The following YIF1B variants were observed in gnomAD, a reference collection of about 807,000 sequenced individuals.
The protein encoded by YIF1B is protein YIF1B.
YIF1B carries 24 observed loss-of-function variants against 34.6 expected under a neutral mutation model. The ratio of observed to expected loss-of-function variants is 0.69; its 90% CI spans 0.50 to 0.98. The LOEUF (loss-of-function observed/expected upper bound fraction) is 0.98. YIF1B is among the 50% of genes least tolerant of loss of function. YIF1B has a pLI of 0.00. For missense variants in YIF1B, 368 were observed against 429.4 expected (o/e 0.86, Z 1.26); for synonymous variants, 186 against 184.8 (o/e 1.01, Z -0.05).
chr19:38,311,510 TATC>T lies in YIF1B; in HGVS notation c.59-1870_59-1868del, dbSNP rs1477546523. ...CCCTGTTTCTGCCAGCTGCCAATGC[TATC>T]ATCATCCCCATTTTACATATGAGAA... On this transcript the variant is annotated intron_variant, in intron 1 of 7. Coordinates refer to ENST00000339413, the MANE Select transcript of YIF1B (RefSeq NM_001039672.3). Among the ~76,000 whole-genome samples the T allele has an allele frequency of 2.0e-5, 3 of 152,020 alleles. 1 individual carries two copies. Among genetic ancestry groups the T allele is most frequent in the Non-Finnish European group, 4.4e-5 (3 of 68,042 alleles).
Position 38,309,579 on chromosome 19 carries a change from G to A in YIF1B, c.123C>T (p.Asp41=), listed in dbSNP as rs1414721857. 6.3e-7 allele frequency: 1 copy of A among 1,598,802 alleles called. No homozygotes were observed. The highest frequency in any genetic ancestry group is 1.1e-5 in the South Asian group (1 of 89,054). The change falls in exon 2 of 8, where the codon GAC becomes GAT. Residue 41 remains aspartate, a synonymous_variant. Coordinates refer to ENST00000339413, the MANE Select transcript of YIF1B (RefSeq NM_001039672.3). The part of the protein sequence containing the change: ...GMADPHQLFD[D]TSSAQSRGYG... ...AGCCCCGGCTCTGGGCTGAACTTGT[G>A]TCATCGAAAAGCTGGTGGGGGTCGG...
Position 38,309,221 on chromosome 19 carries a change from G to C in YIF1B, c.402+3C>G. The C allele has an allele frequency of 6.2e-7, 1 of 1,613,828 alleles. No homozygotes were observed. Among genetic ancestry groups the C allele is most frequent in the Non-Finnish European group, 8.5e-7 (1 of 1,179,862 alleles). On this transcript the variant is annotated splice_donor_region_variant and intron_variant, in intron 3 of 7. Transcript: ENST00000339413. ...AGACCCACATTCCCCTGGGGGTGCT[G>C]ACCTGGTGTAGGTAGGGGAAGAACA... is the stretch of plus-strand genomic sequence containing the variant.
upstream of YIF1B, among the ~76,000 whole-genome samples, chr19:38,319,563 G>T (rs1478540020): frequency 6.6e-6 from 1 of 152,202 alleles, no homozygotes; most frequent in Non-Finnish European, 1.5e-5. Context: ...TGCTGTGCGC[G>T]ATGGGGGGCG....
chr19:38,315,816 C>CCGCCA (rs1969525975), intron 1 of YIF1B, 44 bp downstream of exon 1: 10 of 1,515,422 alleles, frequency 6.6e-6, no homozygotes, highest in Non-Finnish European at 4.4e-6. Context: ...CGCGGCCGCC[C>CCGCCA]CGCCACGCCC....
chr19:38,313,690 G>A (rs1969417439), intron 1 of YIF1B, among the ~76,000 whole-genome samples: 1 of 152,228 alleles, frequency 6.6e-6, no homozygotes, highest in Non-Finnish European at 1.5e-5. Context: ...ACCATGGTTT[G>A]CAACCTCTCC....
chr19:38,313,714 C>T (rs1969418371), intron 1 of YIF1B, among the ~76,000 whole-genome samples: 1 of 152,274 alleles, frequency 6.6e-6, no homozygotes, highest in Admixed American at 6.5e-5. Flanking sequence ...GGATCCCATG[C>T]ACCAGCCAGC....
chr19:38,307,443 G>A lies in YIF1B; in HGVS notation c.774C>T (p.Ala258=). The change falls in exon 7 of 8, where the codon GCC becomes GCT. Residue 258 remains alanine (A), a synonymous_variant. Coordinates refer to ENST00000339413, the MANE Select transcript of YIF1B (RefSeq NM_001039672.3). ...YYLVLGWCCV[A]IFVFMIRTLR... is the part of the protein sequence containing the mutation. The stretch of plus-strand genomic sequence containing the variant: ...CCCAGCTCACCATGAACACAAAGAT[G>A]GCTACGCAGCACCAGCCCAGCACCA... The A allele has an allele frequency of 6.2e-7, 1 of 1,613,694 alleles. No individual in the cohort carries two copies. Among genetic ancestry groups the A allele is most frequent in the South Asian group, 1.1e-5 (1 of 91,056 alleles).
rs1269406510 is a variant in YIF1B at position 38,309,964 on chromosome 19, C to T, written c.59-321G>A. 3.9e-5 allele frequency: 24 copies of T among 620,026 alleles called. No homozygotes were observed. In the Admixed American group the frequency reaches 8.4e-4, roughly 22 times the overall value. The allele number at this position is 620,026 out of a possible 1,614,324, so 38.4% of individuals were successfully genotyped here. ...TCCATCTATCCATCTAACCATCCAT[C>T]CATCCATCCATTCATCCATCCATCC... On this transcript the variant is annotated intron_variant, in intron 1 of 7. Coordinates refer to ENST00000339413, the MANE Select transcript of YIF1B (RefSeq NM_001039672.3).
chr19:38,320,171 G>A, upstream of YIF1B: 1 of 1,598,982 alleles, frequency 6.3e-7, no homozygotes, highest in Non-Finnish European at 8.5e-7. Context: ...CGGCTGGGGC[G>A]GGTCGTGCTT....
upstream of YIF1B, chr19:38,320,124 C>G: frequency 6.3e-7 from 1 of 1,585,698 alleles, no homozygotes. Context: ...CTGCCCCCGC[C>G]CTGGACGCCT....
At chr19:38,309,786 G>A in intron 1 of YIF1B, 143 bp from the exon 2 acceptor site, 1 of 1,438,200 alleles carries the variant, frequency 7.0e-7, no homozygotes, top group South Asian at 1.5e-5. Context: ...GATGTCAGAT[G>A]GACTGGCAGG....
intron 7 of YIF1B, 144 bp downstream of exon 7, chr19:38,307,284 C>T: frequency 2.3e-6 from 2 of 875,324 alleles, no homozygotes; most frequent in Non-Finnish European, 3.5e-6. Context: ...CTCCTGACCC[C>T]CCAGGCCGGG....
Position 38,305,275 on chromosome 19 carries a change from T to G in YIF1B, c.*77A>C. The G allele has an allele frequency of 6.5e-7, 1 of 1,538,970 alleles. No individual in the cohort carries two copies. Among genetic ancestry groups the G allele is most frequent in the Admixed American group, 1.8e-5 (1 of 54,758 alleles). ...GCCAGACAGGGTGGACCTTGGGGCC[T>G]GCAGGCAGGAGATGAGTTCGGCGGC... On this transcript the variant is annotated 3_prime_UTR_variant, in exon 8 of 8. Coordinates refer to ENST00000339413, the MANE Select transcript of YIF1B (RefSeq NM_001039672.3).
intron 1 of YIF1B, among the ~76,000 whole-genome samples, chr19:38,311,481 A>G (rs1436953400): frequency 6.6e-6 from 1 of 152,142 alleles, no homozygotes; most frequent in Non-Finnish European, 1.5e-5. Context: ...CATCTTCACA[A>G]CCACCCTGTT....
At chr19:38,315,637 C>A in intron 1 of YIF1B, 1 of 1,554,100 alleles carries the variant, frequency 6.4e-7, no homozygotes, top group Non-Finnish European at 8.7e-7. Flanking sequence ...CATTTCTCTG[C>A]ATATCGCACG....
At position 38,304,805 on chromosome 19, in the gene YIF1B, A is replaced by T; in HGVS notation, c.*547T>A. ...TCCCCCTGTCTCGCTTCCAGCCCAG[A>T]ACCATCTCTTCTCTCCCATCCCTGC... On this transcript the variant is annotated 3_prime_UTR_variant, in exon 8 of 8. Transcript: ENST00000339413. The T allele has an allele frequency of 6.2e-7, 1 of 1,613,464 alleles. No individual in the cohort carries two copies. The highest frequency in any genetic ancestry group is 8.5e-7 in the Non-Finnish European group (1 of 1,179,906).
chr19:38,308,974 G>A lies in YIF1B; in HGVS notation c.481+5C>T, dbSNP rs1422545630. Reference sequence around the variant, plus strand: ...GGAGGGTGCAGGGTAGGGGGAGGGTGAAACCTGGAATGTAGAGGTCCGGGG... The same window carrying A: ...GGAGGGTGCAGGGTAGGGGGAGGGTAAAACCTGGAATGTAGAGGTCCGGGG... On this transcript the variant is annotated splice_donor_5th_base_variant and intron_variant, in intron 4 of 7. Transcript: ENST00000339413. 6.2e-7 allele frequency: 1 copy of A among 1,604,210 alleles called. No homozygotes were observed. Among genetic ancestry groups the A allele is most frequent in the Non-Finnish European group, 8.5e-7 (1 of 1,173,780 alleles).
upstream of YIF1B, chr19:38,316,053 A>G (rs1171671738): frequency 4.4e-6 from 5 of 1,143,286 alleles, no homozygotes; most frequent in Non-Finnish European, 5.4e-6. Flanking sequence ...CGACCCCTCC[A>G]GCCCCCCCCT....
chr19:38,319,342 G>A (rs955169129), upstream of YIF1B, among the ~76,000 whole-genome samples: 1 of 152,120 alleles, frequency 6.6e-6, no homozygotes, highest in Admixed American at 6.6e-5. Flanking sequence ...ATCATCCAGC[G>A]AGGGGTCAGC....
Sources: gnomAD v4.1 joint callset for allele counts (sites outside exome capture counted in the v4.1 genomes callset) on GRCh38, gnomAD v4.1.1 for gene constraint, MANE v1.5 for transcripts, NCBI Gene and HGNC (gene_info 2026-07-23, HGNC 2026-07-21) for gene names.